The following VCPIP1 variants were observed in gnomAD, a reference collection of about 807,000 sequenced individuals.
VCPIP1 encodes the protein valosin containing protein interacting protein 1.
In VCPIP1, 8 loss-of-function variants were observed where a neutral mutation model predicts 85.0. The observed-to-expected ratio is 0.09, with a 90% CI of 0.06 to 0.17. The LOEUF is 0.17. VCPIP1 is among the 10% of genes least tolerant of loss of function. The pLI, the probability that VCPIP1 is intolerant of heterozygous loss-of-function variation, is 1.00. For synonymous variants in VCPIP1, 543 were observed against 544.5 expected (o/e 1.00, Z 0.04); for missense variants, 1,070 against 1,486.3 (o/e 0.72, Z 4.61).
In VCPIP1 at chr8:66,664,891, T is replaced by C. The variant is rs1811192685; in HGVS notation, c.2068A>G (p.Thr690Ala). The change falls in exon 1 of 3, where the codon ACT (threonine) becomes GCT (alanine). Residue 690 changes from threonine to alanine, a missense_variant. Physicochemically the swap from Thr to Ala is moderately conservative, Grantham distance 58 (BLOSUM62 0). Transcript: ENST00000310421. The part of the protein sequence containing the change: ...QGQESESQLP[T>A]KIILTGQKTK... ...TTCTGTCCAGTAAGAATAATTTTAG[T>C]TGGGAGCTGAGACTCTGATTCTTGT... 1.2e-6 allele frequency: 2 copies of C among 1,614,224 alleles called. No individual in the cohort carries two copies. The highest frequency in any genetic ancestry group is 1.7e-6 in the Non-Finnish European group (2 of 1,180,040).
chr8:66,642,975 A>T (rs911531125), intron 2 of VCPIP1, among the ~76,000 whole-genome samples: 26 of 152,218 alleles, frequency 1.7e-4, no homozygotes, highest in Non-Finnish European at 3.5e-4. Flanking sequence ...TAGAATTTAA[A>T]AAAAGAAGAA....
rs967606567 is a variant in VCPIP1 at position 66,667,222 on chromosome 8, C to T, written c.-264G>A. The T allele has an allele frequency of 4.8e-5, 30 of 618,564 alleles. No individual in the cohort carries two copies. Among genetic ancestry groups the T allele is most frequent in the Non-Finnish European group, 7.2e-5 (28 of 389,996 alleles). 38.3% of individuals were successfully genotyped at this position (618,564 alleles called of 1,614,324 possible). A position where few individuals can be genotyped will look rare whatever the true frequency, so the allele number is the denominator to read the frequency against. On this transcript the variant is annotated 5_prime_UTR_variant, in exon 1 of 3. Transcript: ENST00000310421. ...CACTCACTCACTCTCGCTCTCTCTCCCTCAGACACAGACATACACGCCCTC... is the reference window on the plus strand; with the variant it reads ...CACTCACTCACTCTCGCTCTCTCTCTCTCAGACACAGACATACACGCCCTC...
intron 1 of VCPIP1, among the ~76,000 whole-genome samples, chr8:66,654,428 G>A (rs887322646): frequency 6.6e-6 from 1 of 152,194 alleles, no homozygotes; most frequent in Non-Finnish European, 1.5e-5. Flanking sequence ...GTGAGCCGAG[G>A]TCGTGCCACA....
Position 66,628,546 on chromosome 8 carries a change from G to A in VCPIP1, c.*5955C>T, listed in dbSNP as rs1285751861. 1.3e-5 allele frequency: 2 copies of A among 152,194 alleles called. No individual in the cohort carries two copies. The highest frequency in any genetic ancestry group is 4.8e-5 in the African/African-American group (2 of 41,448). 9.4% of individuals were successfully genotyped at this position (152,194 alleles called of 1,614,324 possible). ...AACAATTGATTATTAAGTCAGAATT[G>A]CAGTTGCTGGGGTCTGAAAGAGCCA... On this transcript the variant is annotated 3_prime_UTR_variant, in exon 3 of 3. Coordinates refer to ENST00000310421, the MANE Select transcript of VCPIP1 (RefSeq NM_025054.5).
Position 66,666,978 on chromosome 8 carries a change from TCG to T in VCPIP1, c.-22_-21del, listed in dbSNP as rs1311910825. Reference sequence around the variant, plus strand: ...AGACATAGCTCCTGGCTCTCGTGTCTCGCTCCGCGTCCCAGGCGACCCTCAAA... The same window carrying T: ...AGACATAGCTCCTGGCTCTCGTGTCTCTCCGCGTCCCAGGCGACCCTCAAA... On this transcript the variant is annotated 5_prime_UTR_variant, in exon 1 of 3. Coordinates refer to ENST00000310421, the MANE Select transcript of VCPIP1 (RefSeq NM_025054.5). The surrounding 1 kb of genome is among the most constrained non-coding windows in gnomAD (Gnocchi z 6.3). 4 of 1,512,052 alleles carry T rather than the reference TCG, an allele frequency of 2.6e-6. No individual in the cohort carries two copies. Among genetic ancestry groups the T allele is most frequent in the Non-Finnish European group, 3.5e-6 (4 of 1,138,180 alleles). The allele number at this position is 1,512,052 out of a possible 1,614,324, so 93.7% of individuals were successfully genotyped here. A position where few individuals can be genotyped will look rare whatever the true frequency, so the allele number is the denominator to read the frequency against.
chr8:66,661,555 G>A (rs965328162), intron 1 of VCPIP1, among the ~76,000 whole-genome samples: 15 of 151,892 alleles, frequency 9.9e-5, no homozygotes, highest in Admixed American at 9.2e-4. Flanking sequence ...CTAACACGGT[G>A]AAACCCTGTC....
intron 1 of VCPIP1, among the ~76,000 whole-genome samples, chr8:66,662,812 T>G (rs112204028): frequency 0.13 from 20,175 of 151,508 alleles, 3,207 homozygotes; most frequent in African/African-American, 0.38. Flanking sequence ...CTCCAGAGTA[T>G]CTGGGATTAC....
intron 1 of VCPIP1, among the ~76,000 whole-genome samples, chr8:66,659,889 C>T (rs1811139495): frequency 6.6e-6 from 1 of 151,834 alleles, no homozygotes; most frequent in Non-Finnish European, 1.5e-5. Flanking sequence ...CACACCACTG[C>T]ACTCCAGGCT....
intron 2 of VCPIP1, among the ~76,000 whole-genome samples, chr8:66,636,596 A>G (rs1810889520): frequency 6.6e-6 from 1 of 151,930 alleles, no homozygotes; most frequent in South Asian, 2.1e-4. Context: ...TACAAAAATT[A>G]GCCAGGCATG....
Position 66,664,758 on chromosome 8 carries a change from TTC to T in VCPIP1, c.2199_2200del (p.Lys734ValfsTer19). ...TTGCCCTTTTTGTTCTTGTTTTAAC[TTC>T]TCTGTTTTCCGTTTCTGCATTACAG... On this transcript the variant is annotated frameshift_variant, in exon 1 of 3. Transcript: ENST00000310421. LOFTEE classifies it high-confidence loss of function. 6.2e-7 allele frequency: 1 copy of T among 1,612,978 alleles called. No homozygotes were observed. The highest frequency in any genetic ancestry group is 8.5e-7 in the Non-Finnish European group (1 of 1,179,692).
At chr8:66,647,201 C>G (rs777030718) in intron 2 of VCPIP1, among the ~76,000 whole-genome samples, 1 of 150,664 alleles carries the variant, frequency 6.6e-6, no homozygotes, top group Non-Finnish European at 1.5e-5. Flanking sequence ...ATTAGCCAGG[C>G]GCGGTGGCAG....
At chr8:66,651,776 G>A (rs1016111182) in intron 1 of VCPIP1, among the ~76,000 whole-genome samples, 16 of 152,066 alleles carry the variant, frequency 1.1e-4, no homozygotes, top group African/African-American at 3.4e-4. Flanking sequence ...AAGAGTGCAC[G>A]CCTAGTGTCT....
chr8:66,657,467 C>T (rs543049109), intron 1 of VCPIP1, among the ~76,000 whole-genome samples: 1 of 152,124 alleles, frequency 6.6e-6, no homozygotes, highest in Non-Finnish European at 1.5e-5. Flanking sequence ...GTAATCCTCA[C>T]GTTTAAAAGT....
intron 2 of VCPIP1, among the ~76,000 whole-genome samples, chr8:66,649,120 C>T (rs979344764): frequency 1.3e-5 from 2 of 151,702 alleles, no homozygotes; most frequent in African/African-American, 4.8e-5. Context: ...CAGTGAGTCA[C>T]GATCATACCA....
rs759540020 is a variant in VCPIP1, at chr8:66,664,464, C to A, written c.2495G>T (p.Gly832Val). Residue 832 changes from glycine (G) to valine (V), a missense_variant, in exon 1 of 3, where the codon GGA (glycine) becomes GTA (valine). Physicochemically the swap from Gly to Val is moderately radical, Grantham distance 109. Coordinates refer to ENST00000310421, the MANE Select transcript of VCPIP1 (RefSeq NM_025054.5). ...PPKELMPPQA[G>V]MEKEPVPLQH... ...TAAAGGAACTGGTTCCTTTTCCATTCCTGCCTGTGGTGGCATTAACTCTTT... is the reference window on the plus strand; with the variant it reads ...TAAAGGAACTGGTTCCTTTTCCATTACTGCCTGTGGTGGCATTAACTCTTT... 1 of 1,613,872 alleles carries A rather than the reference C, an allele frequency of 6.2e-7. No individual in the cohort carries two copies. Among genetic ancestry groups the A allele is most frequent in the Non-Finnish European group, 8.5e-7 (1 of 1,179,822 alleles).
In VCPIP1 at chr8:66,665,080, T is replaced by A. The variant is rs1344256234; in HGVS notation, c.1879A>T (p.Met627Leu). ...SLNSNVYDVA[M>L]KLVTKHFPGE... ...GGAAAGTGCTTGGTAACAAGTTTCA[T>A]TGCAACATCGTAAACATTACTATTC... Residue 627 changes from methionine (M) to leucine (L), a missense_variant, in exon 1 of 3, where the codon ATG (methionine) becomes TTG (leucine). Physicochemically the swap from Met to Leu is conservative, Grantham distance 15. Around this residue, in one of 8 missense-constraint regions of VCPIP1, gnomAD observed 123 missense variants for 156.3 expected, o/e 0.79. Coordinates refer to ENST00000310421, the MANE Select transcript of VCPIP1 (RefSeq NM_025054.5). The surrounding 1 kb of genome is among the most constrained non-coding windows in gnomAD (Gnocchi z 4.3). 6.2e-7 allele frequency: 1 copy of A among 1,614,074 alleles called. No individual in the cohort carries two copies. The highest frequency in any genetic ancestry group is 2.2e-5 in the East Asian group (1 of 44,878).
At chr8:66,642,589 T>C (rs920813513) in intron 2 of VCPIP1, among the ~76,000 whole-genome samples, 1 of 152,198 alleles carries the variant, frequency 6.6e-6, no homozygotes, top group Non-Finnish European at 1.5e-5. Context: ...ATTTTGTATA[T>C]GGTGTGAGGC....
At chr8:66,664,119 A>G (rs986332148) in intron 1 of VCPIP1, 130 bp downstream of exon 1, 24 of 1,196,120 alleles carry the variant, frequency 2.0e-5, no homozygotes, top group Non-Finnish European at 2.7e-5. Flanking sequence ...TACTAAAAAT[A>G]ATTCTCTCCT....
Position 66,632,085 on chromosome 8 carries a change from A to C in VCPIP1, c.*2416T>G, listed in dbSNP as rs934555183. 7.9e-5 allele frequency: 12 copies of C among 150,978 alleles called. No homozygotes were observed. Among genetic ancestry groups the C allele is most frequent in the African/African-American group, 2.9e-4 (12 of 41,092 alleles). 9.4% of individuals were successfully genotyped at this position (150,978 alleles called of 1,614,324 possible). A position where few individuals can be genotyped will look rare whatever the true frequency, so the allele number is the denominator to read the frequency against. ...TAGGGCTAAAAAAAAAAAAAAAAAC[A>C]AATTTACCTGAGATGTCTAGCTTGC... On this transcript the variant is annotated 3_prime_UTR_variant, in exon 3 of 3. Coordinates refer to ENST00000310421, the MANE Select transcript of VCPIP1 (RefSeq NM_025054.5).
Sources: allele counts gnomAD v4.1 joint callset (sites outside exome capture counted in the v4.1 genomes callset), GRCh38; gene constraint gnomAD v4.1.1; regional missense constraint gnomAD v4.1.1; non-coding constraint Gnocchi (gnomAD v3.1); transcripts MANE v1.5; gene names NCBI Gene and HGNC (gene_info 2026-07-23, HGNC 2026-07-21).